The following COL25A1 variants were observed in gnomAD, a reference collection of about 807,000 sequenced individuals.
COL25A1 encodes collagen type XXV alpha 1 chain.
COL25A1 carries 103 observed loss-of-function variants against 128.4 expected under a neutral mutation model. The observed-to-expected ratio is 0.80, with a 90% CI of 0.68 to 0.94. The LOEUF is 0.94. Ranked by LOEUF, COL25A1 falls within the 40% of genes least tolerant of loss-of-function variation. The pLI, the probability that COL25A1 is intolerant of heterozygous loss-of-function variation, is 0.00. For missense variants in COL25A1, 745 were observed against 840.0 expected (o/e 0.89, Z 1.40); for synonymous variants, 279 against 277.2 (o/e 1.01, Z -0.06).
At position 109,267,630 on chromosome 4, in the gene COL25A1, T is replaced by A. The variant is rs367925144; in HGVS notation, c.367+32953A>T. The stretch of plus-strand genomic sequence containing the variant: ...GGATAACATCGTACATGTTGAATCA[T>A]CCCTAATCCAAAAATCTGAAATCTG... On this transcript the variant is annotated intron_variant, in intron 3 of 37. Transcript: ENST00000399132. Among the ~76,000 whole-genome samples the A allele has an allele frequency of 3.9e-5, 6 of 152,144 alleles. No individual in the cohort carries two copies. The East Asian group carries it at 9.6e-4, about 24-fold the overall frequency.
intron 5 of COL25A1, among the ~76,000 whole-genome samples, chr4:109,029,218 A>G (rs1758605184): frequency 6.6e-6 from 1 of 152,204 alleles, no homozygotes; most frequent in African/African-American, 2.4e-5. Context: ...TACAGGAGGG[A>G]GGCAATACCT....
chr4:108,851,168 C>T (rs553371592), intron 26 of COL25A1, among the ~76,000 whole-genome samples: 11 of 152,008 alleles, frequency 7.2e-5, no homozygotes, highest in African/African-American at 2.4e-4. Flanking sequence ...CAGTGTTGCT[C>T]ACCAAGAATA....
At chr4:109,128,782 C>T (rs140371181) in intron 3 of COL25A1, among the ~76,000 whole-genome samples, 1,652 of 152,272 alleles carry the variant, frequency 0.011, 19 homozygotes, top group African/African-American at 0.029. Context: ...CCAAAGTCTC[C>T]TTTGGATAAG....
At position 109,150,010 on chromosome 4, in the gene COL25A1, G is replaced by A. The variant is rs572068598; in HGVS notation, c.368-99831C>T. Among the ~76,000 whole-genome samples the A allele has an allele frequency of 2.8e-4, 43 of 151,366 alleles. 1 individual carries two copies. In the South Asian group the frequency reaches 7.5e-3, roughly 26 times the overall value. On this transcript the variant is annotated intron_variant, in intron 3 of 37. Transcript: ENST00000399132. ...TGTGTGTATGTGTGGGTGTGTGTGTGTGTATGTATCTGTGTGTATGTGTAT... is the reference window on the plus strand; with the variant it reads ...TGTGTGTATGTGTGGGTGTGTGTGTATGTATGTATCTGTGTGTATGTGTAT...
chr4:108,818,373 TAAG>T (rs1183771564), intron 36 of COL25A1, among the ~76,000 whole-genome samples: 1 of 152,112 alleles, frequency 6.6e-6, no homozygotes, highest in African/African-American at 2.4e-5. Flanking sequence ...AAGAATAATA[TAAG>T]AACATGCAGA....
chr4:108,902,233 A>C (rs13139115), intron 13 of COL25A1, among the ~76,000 whole-genome samples: 71,318 of 151,720 alleles, frequency 0.47, 19,014 homozygotes, highest in East Asian at 0.93. Context: ...ATTAATAATA[A>C]TAGTAACATT....
intron 3 of COL25A1, among the ~76,000 whole-genome samples, chr4:109,161,723 CAG>C (rs1249340699): frequency 6.6e-6 from 1 of 152,160 alleles, no homozygotes; most frequent in Non-Finnish European, 1.5e-5. Context: ...AAAACAAAAA[CAG>C]ATAACATTCC....
chr4:109,048,310 G>T, intron 4 of COL25A1, 135 bp from the exon 5 acceptor site: 2 of 775,530 alleles, frequency 2.6e-6, no homozygotes, highest in South Asian at 3.9e-5. Context: ...TAAATTCACT[G>T]ATTCTTAATC....
chr4:109,064,544 T>C (rs905231711), intron 3 of COL25A1, among the ~76,000 whole-genome samples: 2 of 152,198 alleles, frequency 1.3e-5, no homozygotes, highest in African/African-American at 4.8e-5. Context: ...CATTCCAATA[T>C]TTTCACTCAA....
chr4:109,294,753 T>C (rs999006724), intron 3 of COL25A1, among the ~76,000 whole-genome samples: 2 of 152,138 alleles, frequency 1.3e-5, no homozygotes, highest in African/African-American at 4.8e-5. Flanking sequence ...TTTTTCATGA[T>C]AGGTTCTGGA....
At chr4:108,828,786 G>A (rs1269061616) in intron 32 of COL25A1, among the ~76,000 whole-genome samples, 1 of 152,176 alleles carries the variant, frequency 6.6e-6, no homozygotes, top group Non-Finnish European at 1.5e-5. Context: ...TACCCCTGAA[G>A]GAGTTTAAAG....
chr4:109,004,503 G>A (rs969784351), intron 6 of COL25A1, among the ~76,000 whole-genome samples: 1 of 151,832 alleles, frequency 6.6e-6, no homozygotes, highest in South Asian at 2.1e-4. Context: ...ATTTGCCCCC[G>A]CCCAAATCTC....
At chr4:108,868,863 A>G (rs535103515) in intron 20 of COL25A1, among the ~76,000 whole-genome samples, 1 of 149,422 alleles carries the variant, frequency 6.7e-6, no homozygotes, top group African/African-American at 2.5e-5. Flanking sequence ...GAAAGAAGGA[A>G]GGAAGAGAGA....
intron 36 of COL25A1, 112 bp from the exon 37 acceptor site, chr4:108,817,547 T>G: frequency 1.0e-5 from 9 of 873,452 alleles, no homozygotes; most frequent in Non-Finnish European, 1.6e-5. Context: ...GTGACTTTGG[T>G]CATGGGCATC....
At chr4:109,236,855 G>A (rs566574189) in intron 3 of COL25A1, among the ~76,000 whole-genome samples, 7 of 151,754 alleles carry the variant, frequency 4.6e-5, no homozygotes, top group Non-Finnish European at 7.4e-5. Flanking sequence ...TTCTCAACAG[G>A]AATTGATATG....
At chr4:108,998,633 A>G (rs910712475) in intron 6 of COL25A1, among the ~76,000 whole-genome samples, 6 of 152,152 alleles carry the variant, frequency 3.9e-5, no homozygotes, top group Non-Finnish European at 5.9e-5. Context: ...TTCATATGGA[A>G]TAAAAAAAGG....
intron 3 of COL25A1, among the ~76,000 whole-genome samples, chr4:109,263,731 A>G (rs1448488036): frequency 6.6e-6 from 1 of 152,198 alleles, no homozygotes; most frequent in East Asian, 1.9e-4. Flanking sequence ...GTCACTGAGC[A>G]CTGGGCCCTC....
At chr4:109,018,795 G>T (rs894677741) in intron 5 of COL25A1, among the ~76,000 whole-genome samples, 1 of 152,180 alleles carries the variant, frequency 6.6e-6, no homozygotes, top group African/African-American at 2.4e-5. Flanking sequence ...AGAACCAGTA[G>T]AATGGTTACT....
chr4:108,884,366 T>C, intron 18 of COL25A1, 144 bp from the exon 19 acceptor site: 1 of 710,242 alleles, frequency 1.4e-6, no homozygotes, highest in Non-Finnish European at 2.3e-6. Context: ...TTTGATGAGA[T>C]TATGCAATTC....
Sources: allele counts gnomAD v4.1 joint callset (sites outside exome capture counted in the v4.1 genomes callset), GRCh38; gene constraint gnomAD v4.1.1; transcripts MANE v1.5; gene names NCBI Gene and HGNC (gene_info 2026-07-23, HGNC 2026-07-21).